SYT17: variants seen among roughly 807,000 people sequenced by gnomAD.
The protein encoded by SYT17 is synaptotagmin-17.
SYT17 carries 22 observed loss-of-function variants against 46.7 expected under a neutral mutation model. That is an observed-to-expected ratio of 0.47 (90% CI 0.34 to 0.67). The LOEUF (loss-of-function observed/expected upper bound fraction) is 0.67. Ranked by LOEUF, SYT17 falls within the 30% of genes least tolerant of loss-of-function variation. SYT17 has a pLI of 0.01. For synonymous variants in SYT17, 251 were observed against 248.4 expected, an observed-to-expected ratio of 1.01 and a Z score of -0.10; for missense variants, 519 against 612.8, an observed-to-expected ratio of 0.85 and a Z score of 1.62.
At chr16:19,224,382 AATAG>A (rs543758901) in intron 6 of SYT17, among the ~76,000 whole-genome samples, 6 of 152,284 alleles carry the variant, frequency 3.9e-5, no homozygotes, top group East Asian at 1.9e-4. Context: ...ATGGATGGAT[AATAG>A]ATGGATGGAT....
rs1969414317 is a variant in SYT17 at position 19,267,048 on chromosome 16, T to C, written c.1397T>C (p.Val466Ala). Residue 466 changes from valine (V) to alanine (A), a missense_variant, in exon 8 of 8, where the codon GTG becomes GCG. Val to Ala is a moderately conservative substitution (Grantham distance 64, BLOSUM62 0). Coordinates refer to ENST00000355377, the MANE Select transcript of SYT17 (RefSeq NM_016524.4). ...AGGTCCCGAGCTGAGTGTGACCGCG[T>C]GTCTCCTGCCTCCCTGGAGGTGACC... ...SLRSRAECDR[V>A]SPASLEVT 6.2e-7 allele frequency: 1 copy of C among 1,609,094 alleles called. No individual in the cohort carries two copies. The highest frequency in any genetic ancestry group is 8.5e-7 in the Non-Finnish European group (1 of 1,179,058).
At chr16:19,245,155 C>A (rs890618032) in intron 7 of SYT17, among the ~76,000 whole-genome samples, 2 of 152,158 alleles carry the variant, frequency 1.3e-5, no homozygotes, top group Non-Finnish European at 2.9e-5. Flanking sequence ...GCTGGAGAGC[C>A]CGGGTCACCT....
At chr16:19,182,549 C>T (rs1964599531) in intron 4 of SYT17, among the ~76,000 whole-genome samples, 1 of 152,122 alleles carries the variant, frequency 6.6e-6, no homozygotes, top group Admixed American at 6.5e-5. Context: ...ACAGTGTGGG[C>T]CTAGGTAATT....
At chr16:19,238,697 C>T (rs911321423) in intron 7 of SYT17, among the ~76,000 whole-genome samples, 2 of 152,132 alleles carry the variant, frequency 1.3e-5, no homozygotes, top group Non-Finnish European at 2.9e-5. Flanking sequence ...GGGAGAGCAT[C>T]GGGGAGCTGA....
chr16:19,191,033 A>G (rs1235909325), intron 5 of SYT17, among the ~76,000 whole-genome samples: 2 of 152,076 alleles, frequency 1.3e-5, no homozygotes, highest in Non-Finnish European at 2.9e-5. Flanking sequence ...GGAAGGAAGA[A>G]CAAGGGCAGT....
At chr16:19,195,912 G>A (rs1028768106) in intron 5 of SYT17, among the ~76,000 whole-genome samples, 1 of 152,124 alleles carries the variant, frequency 6.6e-6, no homozygotes, top group Non-Finnish European at 1.5e-5. Flanking sequence ...TTGAGCATGG[G>A]AGGTGGAGGC....
chr16:19,210,356 C>T (rs1045054068), intron 5 of SYT17, among the ~76,000 whole-genome samples: 6 of 152,240 alleles, frequency 3.9e-5, no homozygotes, highest in African/African-American at 1.4e-4. Flanking sequence ...CGTGAGTCAC[C>T]GTGCCCAGCC....
chr16:19,257,227 G>A (rs918180192), intron 7 of SYT17, among the ~76,000 whole-genome samples: 1 of 152,004 alleles, frequency 6.6e-6, no homozygotes, highest in Non-Finnish European at 1.5e-5. Context: ...TGTGAATCAC[G>A]AAGTGAGCCA....
intron 7 of SYT17, chr16:19,249,976 A>G: frequency 6.5e-7 from 1 of 1,536,052 alleles, no homozygotes; most frequent in South Asian, 1.2e-5. Context: ...CGAACTGAGT[A>G]GTCACCCAGC....
chr16:19,206,542 G>A lies in SYT17; in HGVS notation c.952-16503G>A, dbSNP rs140002020. Reference sequence around the variant, plus strand: ...CACACTGGGTGCCTTAAAACAACAGGAATTTATTCCCTCACAACTCTGGAG... The same window carrying A: ...CACACTGGGTGCCTTAAAACAACAGAAATTTATTCCCTCACAACTCTGGAG... On this transcript the variant is annotated intron_variant, in intron 5 of 7. Coordinates refer to ENST00000355377, the MANE Select transcript of SYT17 (RefSeq NM_016524.4). 6.6e-3 allele frequency among the ~76,000 whole-genome samples: 1,002 copies of A among 152,224 alleles called. 8 individuals are homozygous for A. The highest frequency in any genetic ancestry group is 0.022 in the African/African-American group (930 of 41,524).
Position 19,168,268 on chromosome 16 carries a change from G to A in SYT17, c.-379G>A, listed in dbSNP as rs1963942444. The A allele has an allele frequency of 6.4e-6, 1 of 156,076 alleles. No homozygotes were observed. The allele number at this position is 156,076 out of a possible 1,614,324, so 9.7% of individuals were successfully genotyped here. A position where few individuals can be genotyped will look rare whatever the true frequency, so the allele number is the denominator to read the frequency against. ...CTCCGGCCCCGGCGTCTCCGGCCCC[G>A]CCTGCGCTGGGGTCGCTGCAGTCCC... is the stretch of plus-strand genomic sequence containing the variant. On this transcript the variant is annotated 5_prime_UTR_variant, in exon 1 of 8. Coordinates refer to ENST00000355377, the MANE Select transcript of SYT17 (RefSeq NM_016524.4). This position sits in a 1 kb window ranked among gnomAD's most constrained non-coding sequence, Gnocchi z 6.9.
intron 7 of SYT17, among the ~76,000 whole-genome samples, chr16:19,242,299 A>G (rs923638016): frequency 6.6e-6 from 1 of 152,228 alleles, no homozygotes; most frequent in Non-Finnish European, 1.5e-5. Context: ...TAAATTTGAT[A>G]TATAAGCTGA....
chr16:19,224,457 G>C (rs1159052823), intron 6 of SYT17, among the ~76,000 whole-genome samples: 3 of 152,154 alleles, frequency 2.0e-5, no homozygotes, highest in Non-Finnish European at 4.4e-5. Flanking sequence ...TAAAAGTATG[G>C]TGAGATGATG....
At chr16:19,260,063 T>C (rs1031073998) in intron 7 of SYT17, among the ~76,000 whole-genome samples, 3 of 152,064 alleles carry the variant, frequency 2.0e-5, no homozygotes, top group African/African-American at 7.2e-5. Context: ...AATTGGTTAT[T>C]ATCTAAAGAC....
At chr16:19,224,969 A>G in intron 7 of SYT17, 131 bp downstream of exon 7, 1 of 1,003,252 alleles carries the variant, frequency 1.0e-6, no homozygotes, top group Admixed American at 2.4e-5. Context: ...CTGGGTTTGA[A>G]CCCACTTAAC....
chr16:19,168,433 C>T lies in SYT17; in HGVS notation c.-214C>T, dbSNP rs1963948217. The T allele has an allele frequency of 3.2e-6, 2 of 630,804 alleles. No individual in the cohort carries two copies. Among genetic ancestry groups the T allele is most frequent in the Non-Finnish European group, 5.3e-6 (2 of 377,044 alleles). 39.1% of individuals were successfully genotyped at this position (630,804 alleles called of 1,614,324 possible). On this transcript the variant is annotated 5_prime_UTR_variant, in exon 1 of 8. Coordinates refer to ENST00000355377, the MANE Select transcript of SYT17 (RefSeq NM_016524.4). The surrounding 1 kb of genome is among the most constrained non-coding windows in gnomAD (Gnocchi z 6.9). ...GATATCTCCGAACCGGGGAGGCGGC[C>T]CCGATTCCGAGAGCCGGAACGCAGG...
intron 7 of SYT17, among the ~76,000 whole-genome samples, chr16:19,256,620 C>A (rs1034273674): frequency 6.6e-6 from 1 of 151,592 alleles, no homozygotes; most frequent in Non-Finnish European, 1.5e-5. Context: ...ACTCTTTCGA[C>A]CAGGCTGGAG....
chr16:19,260,392 C>T (rs1282534154), intron 7 of SYT17, among the ~76,000 whole-genome samples: 1 of 145,406 alleles, frequency 6.9e-6, no homozygotes, highest in Non-Finnish European at 1.5e-5. Context: ...CACCTGTGGT[C>T]CCAGCTAGTT....
intron 7 of SYT17, among the ~76,000 whole-genome samples, chr16:19,255,837 C>T (rs913839306): frequency 1.3e-5 from 2 of 152,156 alleles, no homozygotes; most frequent in Non-Finnish European, 2.9e-5. Context: ...AAGAGGGCTT[C>T]TACCTTGGGC....
Sources: gnomAD v4.1 joint callset for allele counts (sites outside exome capture counted in the v4.1 genomes callset) on GRCh38, gnomAD v4.1.1 for gene constraint, Gnocchi (gnomAD v3.1) non-coding constraint, MANE v1.5 for transcripts, NCBI Gene and HGNC (gene_info 2026-07-23, HGNC 2026-07-21) for gene names.